The following HPCAL1 variants were observed in gnomAD, a reference collection of about 807,000 sequenced individuals.
HPCAL1 encodes the protein hippocalcin like 1.
A neutral mutation model predicts 17.1 loss-of-function variants in HPCAL1; 8 were observed. The observed-to-expected ratio is 0.47, with a 90% confidence interval of 0.27 to 0.84. HPCAL1 has a LOEUF of 0.84. HPCAL1 is among the 40% of genes least tolerant of loss of function. HPCAL1 has a pLI of 0.13. For missense variants in HPCAL1, 165 were observed against 271.1 expected (o/e 0.61, Z 2.75); for synonymous variants, 112 against 111.4 (o/e 1.01, Z -0.03).
chr2:10,362,927 G>A lies in HPCAL1; in HGVS notation c.-110-33908G>A, dbSNP rs1003134355. Among the ~76,000 whole-genome samples, 2 of 152,220 alleles carry A rather than the reference G, an allele frequency of 1.3e-5. No individual in the cohort carries two copies. Among genetic ancestry groups the A allele is most frequent in the African/African-American group, 4.8e-5 (2 of 41,456 alleles). ...CGGACTGGGGAATCCCTGGCCCAGA[G>A]AGGGAAACTGGTTTTCCCAGAGTCA... On this transcript the variant is annotated intron_variant, in intron 1 of 4. Coordinates refer to ENST00000307845, the MANE Select transcript of HPCAL1 (RefSeq NM_002149.4). This position sits in a 1 kb window ranked among gnomAD's most constrained non-coding sequence, Gnocchi z 5.0.
rs10201917 is a variant in HPCAL1, at chr2:10,343,435, G to A, written c.-111+40258G>A. On this transcript the variant is annotated intron_variant, in intron 1 of 4. Transcript: ENST00000307845. The surrounding 1 kb of genome is among the most constrained non-coding windows in gnomAD (Gnocchi z 4.8). ...CAGGACTCCCGGGTGGGAGGTGGGT[G>A]TTTGCATAGGCAGGCAGGTGAGCCA... Among the ~76,000 whole-genome samples the A allele has an allele frequency of 0.014, 2,164 of 152,336 alleles. 52 individuals carry two copies. The highest frequency in any genetic ancestry group is 0.05 in the African/African-American group (2,057 of 41,552).
At chr2:10,388,718 C>A (rs948061691) in intron 1 of HPCAL1, among the ~76,000 whole-genome samples, 1 of 152,206 alleles carries the variant, frequency 6.6e-6, no homozygotes, top group Non-Finnish European at 1.5e-5. Context: ...CCACTCCCTG[C>A]CGACCTCGTC....
At chr2:10,412,690 C>A (rs1670428255) in intron 2 of HPCAL1, among the ~76,000 whole-genome samples, 1 of 152,200 alleles carries the variant, frequency 6.6e-6, no homozygotes, top group South Asian at 2.1e-4. Context: ...GGCACAGGCT[C>A]TATTCTTGCA....
chr2:10,418,020 A>C (rs1238879764), intron 2 of HPCAL1, among the ~76,000 whole-genome samples: 1 of 152,034 alleles, frequency 6.6e-6, no homozygotes, highest in East Asian at 1.9e-4. Context: ...TGGGTGACAG[A>C]GTGAGAGCCT....
At chr2:10,379,503 C>T (rs1241057716) in intron 1 of HPCAL1, among the ~76,000 whole-genome samples, 1 of 151,866 alleles carries the variant, frequency 6.6e-6, no homozygotes, top group East Asian at 1.9e-4. Flanking sequence ...GCAATGGGAG[C>T]TGAGCAGTGG....
chr2:10,374,510 G>C (rs938577689), intron 1 of HPCAL1, among the ~76,000 whole-genome samples: 2 of 152,272 alleles, frequency 1.3e-5, no homozygotes, highest in African/African-American at 4.8e-5. Context: ...GAGCCTGCCT[G>C]CCCTCAGGGA....
At chr2:10,315,667 T>C (rs1479873905) in intron 1 of HPCAL1, among the ~76,000 whole-genome samples, 2 of 152,236 alleles carry the variant, frequency 1.3e-5, no homozygotes, top group Non-Finnish European at 2.9e-5. Flanking sequence ...ATTTCTTCGC[T>C]GCACTGAAAT....
chr2:10,426,567 C>T, intron 4 of HPCAL1, 157 bp from the exon 5 acceptor site: 1 of 670,244 alleles, frequency 1.5e-6, no homozygotes, highest in Non-Finnish European at 2.7e-6. Context: ...TCAGAAATGC[C>T]TGTAAAGTGA....
At position 10,404,421 on chromosome 2, in the gene HPCAL1, A is replaced by T. The variant is rs60988088; in HGVS notation, c.-25+7501A>T. On this transcript the variant is annotated intron_variant, in intron 2 of 4. Transcript: ENST00000307845. The stretch of plus-strand genomic sequence containing the variant: ...GGTATCAGCCCCAGCGCTCTGGGTA[A>T]GTCTGGGACCATCTCCTACATTGTC... Among the ~76,000 whole-genome samples the T allele has an allele frequency of 3.3e-3, 495 of 152,292 alleles. 4 individuals are homozygous for T. The highest frequency in any genetic ancestry group is 0.012 in the African/African-American group (478 of 41,560).
chr2:10,386,768 C>A (rs556350278), intron 1 of HPCAL1, among the ~76,000 whole-genome samples: 4 of 152,214 alleles, frequency 2.6e-5, no homozygotes, highest in South Asian at 2.1e-4. Context: ...GAGCACCCCC[C>A]ACCAGCCCCG....
intron 1 of HPCAL1, among the ~76,000 whole-genome samples, chr2:10,334,711 G>GA (rs1664610721): frequency 7.0e-6 from 1 of 143,718 alleles, no homozygotes; most frequent in African/African-American, 2.6e-5. Flanking sequence ...TTTGAGGCAG[G>GA]GTCTCGCTCT....
At chr2:10,402,092 G>A (rs556768873) in intron 2 of HPCAL1, among the ~76,000 whole-genome samples, 8 of 152,238 alleles carry the variant, frequency 5.3e-5, no homozygotes, top group Admixed American at 3.3e-4. Context: ...TAGAGACGGG[G>A]TTTCACCATC....
At chr2:10,305,974 G>A (rs925883497) in intron 1 of HPCAL1, among the ~76,000 whole-genome samples, 2 of 152,200 alleles carry the variant, frequency 1.3e-5, no homozygotes, top group African/African-American at 2.4e-5. Context: ...TCTGCAGCGC[G>A]GGTACAGTGC....
intron 1 of HPCAL1, among the ~76,000 whole-genome samples, chr2:10,371,526 T>G (rs929083814): frequency 1.5e-4 from 23 of 151,884 alleles, no homozygotes; most frequent in Non-Finnish European, 3.2e-4. Flanking sequence ...TCCTGCAGAG[T>G]CCTGTGTCCT....
chr2:10,318,009 A>G (rs904754695), intron 1 of HPCAL1, among the ~76,000 whole-genome samples: 1 of 152,204 alleles, frequency 6.6e-6, no homozygotes, highest in African/African-American at 2.4e-5. Context: ...ATGTGTTATT[A>G]TTCAGAGGCA....
chr2:10,396,977 T>C (rs1020743979), intron 2 of HPCAL1, 57 bp downstream of exon 2: 1 of 152,244 alleles, frequency 6.6e-6, no homozygotes, highest in African/African-American at 2.4e-5. Context: ...AGGATGGAAG[T>C]GGGTGGCTCC....
chr2:10,383,773 A>T (rs564195949), intron 1 of HPCAL1, among the ~76,000 whole-genome samples: 2 of 152,176 alleles, frequency 1.3e-5, no homozygotes, highest in South Asian at 4.1e-4. Flanking sequence ...CACTGTTGCC[A>T]TTTGGAGAAG....
rs557711740 is a variant in HPCAL1, at chr2:10,344,212, G to C, written c.-111+41035G>C. Among the ~76,000 whole-genome samples the C allele has an allele frequency of 3.3e-4, 51 of 152,320 alleles. 1 individual carries two copies. Among genetic ancestry groups the C allele is most frequent in the Admixed American group, 9.8e-4 (15 of 15,298 alleles). Reference sequence around the variant, plus strand: ...CGCTCCTGGCTCAGAGGACCCTGGGGACGTGGTCTTTGATGCTTGCTTTCC... The same window carrying C: ...CGCTCCTGGCTCAGAGGACCCTGGGCACGTGGTCTTTGATGCTTGCTTTCC... On this transcript the variant is annotated intron_variant, in intron 1 of 4. Coordinates refer to ENST00000307845, the MANE Select transcript of HPCAL1 (RefSeq NM_002149.4). This position sits in a 1 kb window ranked among gnomAD's most constrained non-coding sequence, Gnocchi z 4.9.
At chr2:10,368,235 A>ATATGTG (rs1553349448) in intron 1 of HPCAL1, among the ~76,000 whole-genome samples, 3 of 142,158 alleles carry the variant, frequency 2.1e-5, no homozygotes, top group East Asian at 2.2e-4. Context: ...ACACATATGC[A>ATATGTG]TGTGTGTGTG....
Sources: gnomAD v4.1 joint callset for allele counts (sites outside exome capture counted in the v4.1 genomes callset) on GRCh38, gnomAD v4.1.1 for gene constraint, Gnocchi (gnomAD v3.1) non-coding constraint, MANE v1.5 for transcripts, NCBI Gene and HGNC (gene_info 2026-07-23, HGNC 2026-07-21) for gene names.